TNKS: variants seen among roughly 807,000 people sequenced by gnomAD.
The protein encoded by TNKS is tankyrase.
Under a neutral mutation model 135.8 loss-of-function variants are expected in TNKS, and 72 were observed. The ratio of observed to expected loss-of-function variants is 0.53; its 90% CI spans 0.44 to 0.64. TNKS has a LOEUF of 0.64. Ranked by LOEUF, TNKS falls within the 30% of genes least tolerant of loss-of-function variation. The probability of loss-of-function intolerance (pLI) is 0.00; values close to 1 mark genes in which losing one functional copy is unlikely to be tolerated. For synonymous variants in TNKS, 849 were observed against 649.3 expected (o/e 1.31, Z -4.68); for missense variants, 1,769 against 1,674.0 (o/e 1.06, Z -0.99).
At chr8:9,696,447 G>T (rs1490317677) in intron 5 of TNKS, among the ~76,000 whole-genome samples, 1 of 152,008 alleles carries the variant, frequency 6.6e-6, no homozygotes, top group Non-Finnish European at 1.5e-5. Flanking sequence ...AGCTAGAGCA[G>T]TCAGGCAAGA....
chr8:9,679,829 C>A, intron 3 of TNKS, 122 bp from the exon 4 acceptor site: 1 of 753,626 alleles, frequency 1.3e-6, no homozygotes, highest in East Asian at 2.6e-5. Flanking sequence ...GCTCCATCAC[C>A]CAGCGGGGTG....
At chr8:9,663,942 A>C (rs547124065) in intron 3 of TNKS, among the ~76,000 whole-genome samples, 165 of 152,106 alleles carry the variant, frequency 1.1e-3, no homozygotes, top group African/African-American at 3.9e-3. Flanking sequence ...TGGCCAATTG[A>C]TTATATCATT....
At chr8:9,674,600 G>C (rs1034015343) in intron 3 of TNKS, among the ~76,000 whole-genome samples, 1 of 152,142 alleles carries the variant, frequency 6.6e-6, no homozygotes, top group African/African-American at 2.4e-5. Flanking sequence ...AGTTACCTGT[G>C]CCTACTGAAT....
chr8:9,772,326 A>G (rs183465053), intron 26 of TNKS: 381 of 450,756 alleles, frequency 8.5e-4, no homozygotes, highest in African/African-American at 7.3e-3. Context: ...ATCAAAATCA[A>G]CATCACCAAT....
At chr8:9,725,731 G>A (rs1020216977) in intron 12 of TNKS, among the ~76,000 whole-genome samples, 6 of 152,202 alleles carry the variant, frequency 3.9e-5, no homozygotes, top group African/African-American at 9.6e-5. Context: ...TTAACATAAT[G>A]TGTGCTCATT....
At chr8:9,770,035 T>A (rs34651115) in intron 25 of TNKS, 71 bp from the exon 26 acceptor site, 1 of 1,368,834 alleles carries the variant, frequency 7.3e-7, no homozygotes, top group East Asian at 2.4e-5. Flanking sequence ...AAAAAATTAA[T>A]AGATCTAGCA....
intron 3 of TNKS, among the ~76,000 whole-genome samples, chr8:9,672,702 ACACACACAC>A (rs1802345870): frequency 1.6e-5 from 2 of 125,382 alleles, no homozygotes; most frequent in African/African-American, 2.9e-5. Flanking sequence ...ACACACACAC[ACACACACAC>A]AAAAAAAAAA....
chr8:9,676,491 C>G (rs565935034), intron 3 of TNKS, among the ~76,000 whole-genome samples: 2 of 152,280 alleles, frequency 1.3e-5, no homozygotes, highest in South Asian at 4.1e-4. Flanking sequence ...TGAGATAAGT[C>G]AGTAATCATG....
At chr8:9,651,865 T>C (rs1300539367) in intron 3 of TNKS, among the ~76,000 whole-genome samples, 3 of 152,190 alleles carry the variant, frequency 2.0e-5, no homozygotes, top group Non-Finnish European at 2.9e-5. Flanking sequence ...TTTTAATTTA[T>C]CCCAAACTTC....
intron 2 of TNKS, among the ~76,000 whole-genome samples, chr8:9,586,149 C>A (rs1461839732): frequency 6.6e-6 from 1 of 152,004 alleles, no homozygotes; most frequent in African/African-American, 2.4e-5. Context: ...TAGTTTTCTT[C>A]TTGTATTACA....
intron 2 of TNKS, among the ~76,000 whole-genome samples, chr8:9,608,666 C>A (rs1476707493): frequency 6.6e-6 from 1 of 152,152 alleles, no homozygotes; most frequent in Non-Finnish European, 1.5e-5. Context: ...CTGCACAGAT[C>A]CTTCTTCTCT....
chr8:9,573,030 A>G (rs1159570135), intron 1 of TNKS, among the ~76,000 whole-genome samples: 1 of 137,266 alleles, frequency 7.3e-6, no homozygotes, highest in South Asian at 2.4e-4. Context: ...TTTATGTTAT[A>G]TGTATATATA....
intron 2 of TNKS, among the ~76,000 whole-genome samples, chr8:9,596,668 T>C (rs1798799244): frequency 1.3e-5 from 2 of 152,338 alleles, no homozygotes; most frequent in Middle Eastern, 3.4e-3. Flanking sequence ...TTATTTTGGA[T>C]CAATACATCT....
intron 1 of TNKS, 160 bp downstream of exon 1, chr8:9,556,772 C>G: frequency 1.9e-5 from 12 of 623,916 alleles, no homozygotes; most frequent in South Asian, 8.9e-5. Context: ...TTGGTGGTGC[C>G]TGGGTGATGG....
At position 9,738,910 on chromosome 8, in the gene TNKS, T is replaced by G. The variant is rs1805781414; in HGVS notation, c.2643+3424T>G. Among the ~76,000 whole-genome samples the G allele has an allele frequency of 2.0e-5, 3 of 149,816 alleles. No homozygotes were observed. The South Asian group carries it at 6.5e-4, about 32-fold the overall frequency. On this transcript the variant is annotated intron_variant, in intron 17 of 26. Coordinates refer to ENST00000310430, the MANE Select transcript of TNKS (RefSeq NM_003747.3). ...GGGTGGAGAGTTCTGTAGATGTCTA[T>G]TAGGTCTGCTTGGTGCAGAGCTGAG...
intron 17 of TNKS, among the ~76,000 whole-genome samples, chr8:9,736,042 C>T (rs1805684257): frequency 6.7e-6 from 1 of 150,094 alleles, no homozygotes; most frequent in South Asian, 2.1e-4. Context: ...CAATAATAGG[C>T]ATGTAATGGG....
chr8:9,677,131 C>T (rs555773774), intron 3 of TNKS, among the ~76,000 whole-genome samples: 3 of 152,268 alleles, frequency 2.0e-5, no homozygotes, highest in Non-Finnish European at 2.9e-5. Context: ...TTTGAAAAAT[C>T]GCTTCAGCTG....
intron 1 of TNKS, 177 bp downstream of exon 1, chr8:9,556,789 G>T (rs1815333343): frequency 3.7e-6 from 2 of 536,296 alleles, no homozygotes; most frequent in African/African-American, 2.0e-5. Flanking sequence ...ATGGGGGCGT[G>T]GTTGGGGGGG....
At chr8:9,729,701 C>T (rs980922026) in intron 13 of TNKS, among the ~76,000 whole-genome samples, 1 of 151,806 alleles carries the variant, frequency 6.6e-6, no homozygotes, top group Non-Finnish European at 1.5e-5. Flanking sequence ...AAATTAATCT[C>T]CATCCCTGGT....
Sources: gnomAD v4.1 joint callset for allele counts (sites outside exome capture counted in the v4.1 genomes callset) on GRCh38, gnomAD v4.1.1 for gene constraint, MANE v1.5 for transcripts, NCBI Gene and HGNC (gene_info 2026-07-23, HGNC 2026-07-21) for gene names.